The following SMYD4 variants were observed in gnomAD, a reference collection of about 807,000 sequenced individuals.
The protein encoded by SMYD4 is protein-lysine N-methyltransferase SMYD4.
In SMYD4, 68 loss-of-function variants were observed where a neutral mutation model predicts 72.8. The ratio of observed to expected loss-of-function variants is 0.93; its 90% CI spans 0.77 to 1.14. SMYD4 has a LOEUF of 1.14. Ranked by LOEUF, SMYD4 falls within the 50% of genes most tolerant of loss-of-function variation. The pLI, the probability that SMYD4 is intolerant of heterozygous loss-of-function variation, is 0.00. For missense variants in SMYD4, 984 were observed against 1,003.7 expected (o/e 0.98, Z 0.27); for synonymous variants, 407 against 388.6 (o/e 1.05, Z -0.56).
intron 3 of SMYD4, among the ~76,000 whole-genome samples, chr17:1,808,610 G>T (rs1910166456): frequency 6.6e-6 from 1 of 152,122 alleles, no homozygotes; most frequent in South Asian, 2.1e-4. Context: ...GAAAATTGCA[G>T]AGTACCATAA....
chr17:1,824,905 G>A (rs865844180), intron 2 of SMYD4, among the ~76,000 whole-genome samples: 3 of 152,108 alleles, frequency 2.0e-5, no homozygotes, highest in East Asian at 1.9e-4. Context: ...GATTACAGGC[G>A]TGAGCCACCG....
chr17:1,788,682 C>T (rs1317347723), intron 5 of SMYD4, among the ~76,000 whole-genome samples: 2 of 151,814 alleles, frequency 1.3e-5, no homozygotes, highest in African/African-American at 4.8e-5. Flanking sequence ...GAGGACGTTG[C>T]AGTGAGCCAA....
rs1432853956 is a variant in SMYD4, at chr17:1,785,050, G to C, written c.1885-589C>G. ...GATCCGCTCGCCTCAGCCTCCCAAAGTGCTGGGATTACAGGCGTGAGCCAC... is the reference window on the plus strand; with the variant it reads ...GATCCGCTCGCCTCAGCCTCCCAAACTGCTGGGATTACAGGCGTGAGCCAC... On this transcript the variant is annotated intron_variant, in intron 7 of 10. Coordinates refer to ENST00000305513, the MANE Select transcript of SMYD4 (RefSeq NM_052928.3). 2.7e-5 allele frequency among the ~76,000 whole-genome samples: 4 copies of C among 149,224 alleles called. No individual in the cohort carries two copies. In the East Asian group the frequency reaches 8.1e-4, roughly 30 times the overall value.
intron 3 of SMYD4, among the ~76,000 whole-genome samples, chr17:1,809,815 G>T (rs190941108): frequency 1.6e-3 from 243 of 152,100 alleles, no homozygotes; most frequent in Middle Eastern, 6.8e-3. Flanking sequence ...GACTACAGGC[G>T]CCCGCCACCG....
chr17:1,784,578 TAAC>T (rs1908551612), intron 7 of SMYD4, 117 bp from the exon 8 acceptor site: 2 of 1,504,076 alleles, frequency 1.3e-6, no homozygotes, highest in African/African-American at 2.8e-5. Context: ...GAGACTCCTG[TAAC>T]AATACATCGT....
intron 5 of SMYD4, among the ~76,000 whole-genome samples, chr17:1,794,508 C>T (rs1310751617): frequency 4.1e-5 from 3 of 73,310 alleles, no homozygotes; most frequent in African/African-American, 1.7e-4. Flanking sequence ...CTAAATTTGA[C>T]ATTCTATAGT....
intron 4 of SMYD4, among the ~76,000 whole-genome samples, chr17:1,803,885 A>T (rs1909895886): frequency 9.3e-6 from 1 of 108,014 alleles, no homozygotes; most frequent in Non-Finnish European, 2.4e-5. Context: ...GAGTTCAGTT[A>T]GTTTTTTTTT....
intron 5 of SMYD4, among the ~76,000 whole-genome samples, chr17:1,789,593 G>A (rs567551856): frequency 1.7e-4 from 26 of 151,788 alleles, no homozygotes; most frequent in East Asian, 5.8e-4. Flanking sequence ...GTGAACCCTC[G>A]TCTCTACCAA....
chr17:1,827,891 T>A lies in SMYD4; in HGVS notation c.104A>T (p.Asp35Val). The part of the protein sequence containing the change: ...VTISTAETLR[D>V]IFLHSSSLLQ... ...AAGTGAAGAGGAGTGAAGAAAGATATCCCTCAAGGTCTCTGCTGTAGAAAT... is the reference window on the plus strand; with the variant it reads ...AAGTGAAGAGGAGTGAAGAAAGATAACCCTCAAGGTCTCTGCTGTAGAAAT... The change falls in exon 2 of 11, where the codon GAT becomes GTT. Residue 35 changes from aspartate to valine, a missense_variant. Coordinates refer to ENST00000305513, the MANE Select transcript of SMYD4 (RefSeq NM_052928.3). 1 of 1,609,524 alleles carries A rather than the reference T, an allele frequency of 6.2e-7. No individual in the cohort carries two copies. The highest frequency in any genetic ancestry group is 8.5e-7 in the Non-Finnish European group (1 of 1,176,138).
At chr17:1,797,862 C>T (rs1335031512) in intron 5 of SMYD4, among the ~76,000 whole-genome samples, 11 of 152,070 alleles carry the variant, frequency 7.2e-5, no homozygotes, top group South Asian at 2.1e-4. Flanking sequence ...ATTAGCTGGG[C>T]GTGGGGGTGC....
intron 2 of SMYD4, among the ~76,000 whole-genome samples, chr17:1,821,144 T>C (rs1003845895): frequency 3.9e-5 from 6 of 152,188 alleles, no homozygotes; most frequent in African/African-American, 1.2e-4. Flanking sequence ...GACATAAGAA[T>C]GTATGCATTG....
chr17:1,787,472 A>G lies in SMYD4; in HGVS notation c.1670T>C (p.Ile557Thr). Residue 557 changes from isoleucine (I) to threonine (T), a missense_variant, in exon 6 of 11, where the codon ATC becomes ACC. Coordinates refer to ENST00000305513, the MANE Select transcript of SMYD4 (RefSeq NM_052928.3). ...SVSFISTVAT[I>T]RASQRIRKGQ... ...CTTTCTAATCCGCTGTGACGCCCGGATGGTGGCGACAGTGCTAATGAAGGA... is the reference window on the plus strand; with the variant it reads ...CTTTCTAATCCGCTGTGACGCCCGGGTGGTGGCGACAGTGCTAATGAAGGA... 6.4e-7 allele frequency: 1 copy of G among 1,567,942 alleles called. No individual in the cohort carries two copies. The highest frequency in any genetic ancestry group is 8.6e-7 in the Non-Finnish European group (1 of 1,156,278).
At chr17:1,792,595 C>A (rs1400480168) in intron 5 of SMYD4, among the ~76,000 whole-genome samples, 1 of 151,588 alleles carries the variant, frequency 6.6e-6, no homozygotes, top group Non-Finnish European at 1.5e-5. Flanking sequence ...GAGCTGAGAT[C>A]ACGCCGCTGC....
chr17:1,822,067 A>T (rs1910919689), intron 2 of SMYD4, among the ~76,000 whole-genome samples: 1 of 151,966 alleles, frequency 6.6e-6, no homozygotes, highest in Admixed American at 6.6e-5. Context: ...TCTACTAAAA[A>T]TATAAAAATT....
At chr17:1,811,525 C>T (rs1910330011) in intron 3 of SMYD4, among the ~76,000 whole-genome samples, 1 of 152,194 alleles carries the variant, frequency 6.6e-6, no homozygotes, top group Non-Finnish European at 1.5e-5. Flanking sequence ...CAGCAGAATT[C>T]CGCCAGGTTT....
In SMYD4 at chr17:1,786,986, C is replaced by G; in HGVS notation, c.1721-13G>C. 3 of 1,602,584 alleles carry G rather than the reference C, an allele frequency of 1.9e-6. No individual in the cohort carries two copies. The highest frequency in any genetic ancestry group is 2.5e-6 in the Non-Finnish European group (3 of 1,176,722). Reference sequence around the variant, plus strand: ...CTCTTGTGAGGCCCTGGAGGGAGATCACCGTCAGCCAATATTGAAAGCAAG... The same window carrying G: ...CTCTTGTGAGGCCCTGGAGGGAGATGACCGTCAGCCAATATTGAAAGCAAG... On this transcript the variant is annotated splice_polypyrimidine_tract_variant and intron_variant, in intron 6 of 10. Coordinates refer to ENST00000305513, the MANE Select transcript of SMYD4 (RefSeq NM_052928.3).
intron 1 of SMYD4, among the ~76,000 whole-genome samples, chr17:1,829,011 A>G (rs1911370610): frequency 6.6e-6 from 1 of 152,084 alleles, no homozygotes; most frequent in South Asian, 2.1e-4. Flanking sequence ...CGTTCTGATT[A>G]AGTCCTCACC....
chr17:1,811,266 T>A (rs1910315417), intron 3 of SMYD4, among the ~76,000 whole-genome samples: 1 of 152,152 alleles, frequency 6.6e-6, no homozygotes. Context: ...CACACCTCCA[T>A]CGCACGCCCT....
chr17:1,806,984 G>A (rs552960162), intron 3 of SMYD4, among the ~76,000 whole-genome samples: 35 of 151,906 alleles, frequency 2.3e-4, no homozygotes, highest in African/African-American at 6.5e-4. Context: ...TCCGCCTCCC[G>A]GGTTCAAGCG....
Sources: allele counts gnomAD v4.1 joint callset (sites outside exome capture counted in the v4.1 genomes callset), GRCh38; gene constraint gnomAD v4.1.1; transcripts MANE v1.5; gene names NCBI Gene and HGNC (gene_info 2026-07-23, HGNC 2026-07-21).